FBXL7: variants seen among roughly 807,000 people sequenced by gnomAD.
FBXL7 encodes the protein F-box/LRR-repeat protein 7.
Under a neutral mutation model 38.3 loss-of-function variants are expected in FBXL7, and 12 were observed. The observed-to-expected ratio is 0.31, with a 90% CI of 0.20 to 0.51. FBXL7 has a LOEUF of 0.51. Ranked by LOEUF, FBXL7 falls within the 20% of genes least tolerant of loss-of-function variation. The pLI is 0.98. For synonymous variants in FBXL7, 297 were observed against 300.9 expected, an observed-to-expected ratio of 0.99 and a Z score of 0.13; for missense variants, 567 against 676.4, an observed-to-expected ratio of 0.84 and a Z score of 1.79.
intron 2 of FBXL7, among the ~76,000 whole-genome samples, chr5:15,904,517 TAAG>T (rs916468548): frequency 6.6e-6 from 1 of 152,216 alleles, no homozygotes; most frequent in Non-Finnish European, 1.5e-5. Flanking sequence ...ATTCGAATCA[TAAG>T]GAGAAAAACT....
At chr5:15,685,193 G>T (rs1742979377) in intron 2 of FBXL7, among the ~76,000 whole-genome samples, 2 of 152,020 alleles carry the variant, frequency 1.3e-5, no homozygotes, top group South Asian at 4.1e-4. Context: ...ATGTAGTTGG[G>T]GCAATAATTT....
chr5:15,643,861 G>C (rs934060353), intron 2 of FBXL7, among the ~76,000 whole-genome samples: 3 of 152,186 alleles, frequency 2.0e-5, no homozygotes, highest in Non-Finnish European at 4.4e-5. Flanking sequence ...GTGAGGCCAT[G>C]TCAAACAGAA....
intron 2 of FBXL7, among the ~76,000 whole-genome samples, chr5:15,866,915 C>T (rs1367249165): frequency 4.6e-5 from 7 of 151,898 alleles, no homozygotes; most frequent in Non-Finnish European, 1.0e-4. Context: ...CTATTAATGC[C>T]CATCACTTAT....
intron 2 of FBXL7, among the ~76,000 whole-genome samples, chr5:15,722,930 C>CAAAAAAAACAAAAAAAAAA (rs377502407): frequency 7.0e-6 from 1 of 142,062 alleles, no homozygotes; most frequent in Non-Finnish European, 1.5e-5. Flanking sequence ...TCAAAAAAAA[C>CAAAAAAAACAAAAAAAAAA]AAAAAAAAAA....
chr5:15,726,691 A>AAAT (rs1744367994), intron 2 of FBXL7, among the ~76,000 whole-genome samples: 1 of 141,386 alleles, frequency 7.1e-6, no homozygotes, highest in South Asian at 2.4e-4. Flanking sequence ...ACTCCATCTC[A>AAAT]AAATAAATAA....
At chr5:15,930,318 A>G (rs2126463568) in intron 3 of FBXL7, among the ~76,000 whole-genome samples, 1 of 152,346 alleles carries the variant, frequency 6.6e-6, no homozygotes, top group African/African-American at 2.4e-5. Flanking sequence ...CTCTTCATTT[A>G]AAAGAAATGG....
At chr5:15,717,479 TG>T (rs1744076242) in intron 2 of FBXL7, among the ~76,000 whole-genome samples, 1 of 152,246 alleles carries the variant, frequency 6.6e-6, no homozygotes, top group African/African-American at 2.4e-5. Context: ...CCCACTCCAC[TG>T]GAAGTTATCA....
intron 2 of FBXL7, among the ~76,000 whole-genome samples, chr5:15,812,691 G>C (rs1187208006): frequency 1.3e-5 from 2 of 152,026 alleles, no homozygotes; most frequent in African/African-American, 4.8e-5. Flanking sequence ...CCTTGATGGG[G>C]ATAGCATTGA....
chr5:15,786,325 C>T (rs567011698), intron 2 of FBXL7, among the ~76,000 whole-genome samples: 214 of 144,464 alleles, frequency 1.5e-3, no homozygotes, highest in African/African-American at 5.1e-3. Context: ...AAATATAGAA[C>T]TTGCCATGAT....
At chr5:15,846,155 G>T (rs964456850) in intron 2 of FBXL7, among the ~76,000 whole-genome samples, 7 of 152,110 alleles carry the variant, frequency 4.6e-5, no homozygotes, top group African/African-American at 1.7e-4. Flanking sequence ...ATCAAGCAGG[G>T]TATCACAATG....
chr5:15,744,801 G>C (rs1342972181), intron 2 of FBXL7, among the ~76,000 whole-genome samples: 1 of 152,146 alleles, frequency 6.6e-6, no homozygotes, highest in Non-Finnish European at 1.5e-5. Context: ...GGAGGCCTCA[G>C]GAAACTTACA....
chr5:15,584,235 G>A (rs1739237383), intron 1 of FBXL7, among the ~76,000 whole-genome samples: 1 of 152,178 alleles, frequency 6.6e-6, no homozygotes. Flanking sequence ...TCCTTGACCT[G>A]CTCTGGAGAC....
At chr5:15,602,733 C>G (rs753524738) in intron 1 of FBXL7, among the ~76,000 whole-genome samples, 16 of 152,076 alleles carry the variant, frequency 1.1e-4, no homozygotes, top group Non-Finnish European at 1.9e-4. Context: ...TACCCTCCCC[C>G]CAAAAAGAAG....
In FBXL7 at chr5:15,874,995, G is replaced by A. The variant is rs531393788; in HGVS notation, c.128-52895G>A. On this transcript the variant is annotated intron_variant, in intron 2 of 3. Coordinates refer to ENST00000504595, the MANE Select transcript of FBXL7 (RefSeq NM_012304.5). ...AAAAGAACAAAGCTGGAGGCATCAC[G>A]CTACCTGACTTCAAACTATACTACA... Among the ~76,000 whole-genome samples, 633 of 152,100 alleles carry A rather than the reference G, an allele frequency of 4.2e-3. 2 individuals carry two copies. The highest frequency in any genetic ancestry group is 6.2e-3 in the Non-Finnish European group (424 of 67,966).
intron 2 of FBXL7, among the ~76,000 whole-genome samples, chr5:15,839,678 C>T (rs774754383): frequency 3.3e-5 from 5 of 152,048 alleles, no homozygotes; most frequent in African/African-American, 7.2e-5. Flanking sequence ...GTAATAAAGG[C>T]GTTACATTTA....
At chr5:15,602,036 C>T (rs978495527) in intron 1 of FBXL7, among the ~76,000 whole-genome samples, 2 of 152,048 alleles carry the variant, frequency 1.3e-5, no homozygotes, top group Admixed American at 1.3e-4. Context: ...TAAGGCTGCA[C>T]CTGGAGTTCT....
Position 15,897,652 on chromosome 5 carries a change from G to A in FBXL7, c.128-30238G>A, listed in dbSNP as rs573312022. ...TGAGTAGTGTCTGAAGGGTGGGAGA[G>A]TTTAGGCTATGCTCCCGGAAATAGG... On this transcript the variant is annotated intron_variant, in intron 2 of 3. Transcript: ENST00000504595. 6.8e-4 allele frequency among the ~76,000 whole-genome samples: 103 copies of A among 152,270 alleles called. 2 individuals are homozygous for A. The South Asian group carries it at 0.02, about 29-fold the overall frequency.
At chr5:15,554,297 T>G (rs1738169716) in intron 1 of FBXL7, among the ~76,000 whole-genome samples, 1 of 152,224 alleles carries the variant, frequency 6.6e-6, no homozygotes, top group Admixed American at 6.5e-5. Context: ...ATATCCTTCC[T>G]CACTCTATAT....
intron 2 of FBXL7, among the ~76,000 whole-genome samples, chr5:15,702,108 G>A (rs1196951736): frequency 6.6e-6 from 1 of 151,910 alleles, no homozygotes; most frequent in Non-Finnish European, 1.5e-5. Context: ...AGTGCTGGCC[G>A]GTTCCTGTAA....
Sources: gnomAD v4.1 joint callset for allele counts (sites outside exome capture counted in the v4.1 genomes callset) on GRCh38, gnomAD v4.1.1 for gene constraint, MANE v1.5 for transcripts, NCBI Gene and HGNC (gene_info 2026-07-23, HGNC 2026-07-21) for gene names.